The following DGKB variants were observed in gnomAD, a reference collection of about 807,000 sequenced individuals.
DGKB encodes the protein 90 kDa diacylglycerol kinase.
A neutral mutation model predicts 114.3 loss-of-function variants in DGKB; 67 were observed. The ratio of observed to expected loss-of-function variants is 0.59; its 90% confidence interval spans 0.48 to 0.72. The LOEUF (loss-of-function observed/expected upper bound fraction) is 0.72, where lower values mean the gene tolerates loss of function less well. DGKB is among the 30% of genes least tolerant of loss of function. DGKB has a pLI of 0.00. For synonymous variants in DGKB, 398 were observed against 323.1 expected (o/e 1.23, Z -2.49); for missense variants, 907 against 975.2 (o/e 0.93, Z 0.93).
intron 2 of DGKB, among the ~76,000 whole-genome samples, chr7:14,801,680 AGGATTTTGAACT>A (rs1175005515): frequency 6.6e-6 from 1 of 151,986 alleles, no homozygotes; most frequent in Non-Finnish European, 1.5e-5. Flanking sequence ...CCCCCGTCTC[AGGATTTTGAACT>A]GGATCTGAAT....
chr7:14,442,483 A>G (rs189376934), intron 21 of DGKB, among the ~76,000 whole-genome samples: 88 of 152,210 alleles, frequency 5.8e-4, no homozygotes, highest in African/African-American at 2.1e-3. Flanking sequence ...TTTTTATTCT[A>G]TAACTTTAAT....
chr7:14,653,898 G>A (rs1241940397), intron 13 of DGKB, among the ~76,000 whole-genome samples: 1 of 151,942 alleles, frequency 6.6e-6, no homozygotes, highest in African/African-American at 2.4e-5. Flanking sequence ...CACAATAAAG[G>A]CCATTTATGA....
At chr7:14,691,833 G>A (rs539781701) in intron 9 of DGKB, among the ~76,000 whole-genome samples, 2 of 151,584 alleles carry the variant, frequency 1.3e-5, no homozygotes, top group East Asian at 1.9e-4. Flanking sequence ...GCCGTCACTG[G>A]TAACACAACT....
rs551132092 is a variant in DGKB at position 14,296,625 on chromosome 7, A to T, written c.2122+41890T>A. ...TCTAAAATGGACACCCTAACTTCAC[A>T]ATTAAAAGAACTACAGAAGCAAGAG... On this transcript the variant is annotated intron_variant, in intron 23 of 25. Coordinates refer to ENST00000402815, the MANE Select transcript of DGKB (RefSeq NM_001350709.2). Among the ~76,000 whole-genome samples, 6 of 152,230 alleles carry T rather than the reference A, an allele frequency of 3.9e-5. No individual in the cohort carries two copies. The East Asian group carries it at 9.7e-4, about 25-fold the overall frequency.
At chr7:14,860,890 C>T (rs570642669) in intron 1 of DGKB, among the ~76,000 whole-genome samples, 133 of 151,842 alleles carry the variant, frequency 8.8e-4, no homozygotes, top group African/African-American at 3.1e-3. Flanking sequence ...TAGGAAAATA[C>T]AATTATAAAT....
intron 4 of DGKB, among the ~76,000 whole-genome samples, chr7:14,749,338 C>T (rs2128428609): frequency 6.6e-6 from 1 of 152,114 alleles, no homozygotes; most frequent in East Asian, 1.9e-4. Flanking sequence ...GTGTGAAAAC[C>T]TTGAATTTTA....
chr7:14,657,988 AGTTC>A (rs1264270946), intron 13 of DGKB, among the ~76,000 whole-genome samples: 2 of 152,094 alleles, frequency 1.3e-5, no homozygotes, highest in Non-Finnish European at 2.9e-5. Flanking sequence ...ATAATGACTT[AGTTC>A]AACACATGCT....
intron 23 of DGKB, among the ~76,000 whole-genome samples, chr7:14,187,457 A>C (rs1003349446): frequency 6.6e-6 from 1 of 152,218 alleles, no homozygotes; most frequent in Non-Finnish European, 1.5e-5. Flanking sequence ...TTGGTCCAAC[A>C]GCTGGTCCAG....
intron 25 of DGKB, among the ~76,000 whole-genome samples, chr7:14,163,342 AC>A (rs1784177837): frequency 6.6e-6 from 1 of 152,234 alleles, no homozygotes; most frequent in African/African-American, 2.4e-5. Flanking sequence ...GTTGTCAATT[AC>A]AAAAAACAAC....
At chr7:14,851,290 A>G (rs1849315895) in intron 1 of DGKB, among the ~76,000 whole-genome samples, 1 of 152,170 alleles carries the variant, frequency 6.6e-6, no homozygotes. Flanking sequence ...AAAATATAGC[A>G]AGCTTTGTAC....
intron 1 of DGKB, among the ~76,000 whole-genome samples, chr7:14,875,259 T>C (rs757098465): frequency 1.3e-5 from 2 of 152,182 alleles, no homozygotes; most frequent in Non-Finnish European, 2.9e-5. Flanking sequence ...TACCTCTATA[T>C]TTATTTGCCA....
chr7:14,877,647 T>A (rs963385173), intron 1 of DGKB, among the ~76,000 whole-genome samples: 1 of 152,212 alleles, frequency 6.6e-6, no homozygotes, highest in African/African-American at 2.4e-5. Flanking sequence ...GAGGTTTGCG[T>A]AAATAAATGG....
At position 14,449,020 on chromosome 7, in the gene DGKB, T is replaced by C. The variant is rs547685998; in HGVS notation, c.1835+29141A>G. On this transcript the variant is annotated intron_variant, in intron 21 of 25. Transcript: ENST00000402815. ...AACGGATGGGTGCAATAGATACAAG[T>C]GTCCTTAGGAACTCACAACTACATA... Among the ~76,000 whole-genome samples, 11 of 152,184 alleles carry C rather than the reference T, an allele frequency of 7.2e-5. No individual in the cohort carries two copies. The South Asian group carries it at 2.1e-3, about 29-fold the overall frequency.
intron 12 of DGKB, among the ~76,000 whole-genome samples, chr7:14,681,889 T>C (rs913578819): frequency 6.6e-6 from 1 of 152,054 alleles, no homozygotes; most frequent in Non-Finnish European, 1.5e-5. Context: ...AAGACAAGCA[T>C]TTACATCAGT....
intron 13 of DGKB, among the ~76,000 whole-genome samples, chr7:14,656,241 T>C (rs908164378): frequency 6.6e-6 from 1 of 151,564 alleles, no homozygotes; most frequent in African/African-American, 2.4e-5. Flanking sequence ...TTTAAAGAAT[T>C]TTTATGACTT....
At chr7:14,247,110 T>A (rs186840588) in intron 23 of DGKB, among the ~76,000 whole-genome samples, 1 of 152,268 alleles carries the variant, frequency 6.6e-6, no homozygotes, top group Non-Finnish European at 1.5e-5. Context: ...GTGTCTAGCT[T>A]ATTAACTTAG....
At chr7:14,652,892 A>T (rs1462101782) in intron 13 of DGKB, among the ~76,000 whole-genome samples, 1 of 152,168 alleles carries the variant, frequency 6.6e-6, no homozygotes, top group Non-Finnish European at 1.5e-5. Flanking sequence ...AGCCAAAAAA[A>T]CACATGAAAA....
Position 14,149,146 on chromosome 7 carries a change from G to C in DGKB, c.2397C>G (p.Asn799Lys), listed in dbSNP as rs756027444. The change falls in exon 26 of 26, where the codon AAC becomes AAG. Residue 799 changes from asparagine (N) to lysine (K), a missense_variant. Around this residue, in one of 3 missense-constraint regions of DGKB, gnomAD observed 58 missense variants for 52.5 expected, o/e 1.10. Coordinates refer to ENST00000402815, the MANE Select transcript of DGKB (RefSeq NM_001350709.2). The part of the protein sequence containing the change: ...LFCSLVKRTR[N>K]RSKE ...CAACACAGGATTATTCCTTGCTTCG[G>C]TTTCTTGTCCTTTTGACGAGGGAGC... is the stretch of plus-strand genomic sequence containing the variant. The C allele has an allele frequency of 6.2e-7, 1 of 1,613,362 alleles. No homozygotes were observed. The highest frequency in any genetic ancestry group is 1.7e-4 in the Middle Eastern group (1 of 6,058).
intron 2 of DGKB, among the ~76,000 whole-genome samples, chr7:14,771,937 T>G (rs1214593777): frequency 6.6e-6 from 1 of 152,092 alleles, no homozygotes. Flanking sequence ...TAATACTTGA[T>G]CTCCACAATT....
Sources: allele counts gnomAD v4.1 joint callset (sites outside exome capture counted in the v4.1 genomes callset), GRCh38; gene constraint gnomAD v4.1.1; regional missense constraint gnomAD v4.1.1; transcripts MANE v1.5; gene names NCBI Gene and HGNC (gene_info 2026-07-23, HGNC 2026-07-21).